Variants in XKR9 observed in about 807,000 individuals in gnomAD.
XKR9 encodes XK related 9.
In XKR9, 32 loss-of-function variants were observed where a neutral mutation model predicts 32.0. The ratio of observed to expected loss-of-function variants is 1.00; its 90% CI spans 0.76 to 1.34. The LOEUF is 1.34. XKR9 is among the 40% of genes most tolerant of loss of function. XKR9 has a pLI of 0.00. For missense variants in XKR9, 546 were observed against 429.7 expected, an observed-to-expected ratio of 1.27 and a Z score of -2.39; for synonymous variants, 168 against 143.4, an observed-to-expected ratio of 1.17 and a Z score of -1.22.
chr8:70,729,866 C>A (rs1402650772), intron 4 of XKR9, among the ~76,000 whole-genome samples: 1 of 152,038 alleles, frequency 6.6e-6, no homozygotes, highest in Non-Finnish European at 1.5e-5. Context: ...GATTTTTATA[C>A]CAGATAAGCC....
chr8:70,822,355 T>C, the XKR9 span, among the ~76,000 whole-genome samples: 2 of 152,084 alleles, frequency 1.3e-5, no homozygotes, highest in South Asian at 2.1e-4. Context: ...ATAATTGTCA[T>C]GGAAGAAGAC....
chr8:70,734,287 C>G lies in XKR9; in HGVS notation c.985C>G (p.Leu329Val), dbSNP rs761827600. ...TATCAGTATAACTATAGTTCTTACT[C>G]TTCTTCTTGGAATTCTTTTTCTTAT... Reference protein sequence around the residue: ...IPISITIVLTLLLGILFLIVY... With the variant: ...IPISITIVLTVLLGILFLIVY... The change falls in exon 5 of 5, where the codon CTT becomes GTT. Residue 329 changes from leucine (L) to valine (V), a missense_variant. By Grantham distance (32) the Leu-to-Val change is conservative (BLOSUM62 1). Coordinates refer to ENST00000408926, the MANE Select transcript of XKR9 (RefSeq NM_001011720.2). The G allele has an allele frequency of 1.7e-5, 27 of 1,612,570 alleles. No homozygotes were observed. The South Asian group carries it at 2.1e-4, about 12-fold the overall frequency.
rs149183287 is a variant in XKR9 at position 70,756,403 on chromosome 8, A to G, written n.353-32936A>G. On this transcript the variant is annotated intron_variant and non_coding_transcript_variant, in intron 2 of 3. Coordinates refer to the XKR9 transcript ENST00000520273. ...TCAGCTTGTCACTTTCTACAGAGAA[A>G]TTAGCTAGGATTCTGATAGGGCTTG... is the stretch of plus-strand genomic sequence containing the variant. Among the ~76,000 whole-genome samples, 4 of 152,330 alleles carry G rather than the reference A, an allele frequency of 2.6e-5. No individual in the cohort carries two copies. The East Asian group carries it at 7.7e-4, about 29-fold the overall frequency.
chr8:70,943,014 T>C, the XKR9 span, among the ~76,000 whole-genome samples: 3 of 152,170 alleles, frequency 2.0e-5, no homozygotes, highest in Non-Finnish European at 4.4e-5. Context: ...ATAGAGCATA[T>C]GGGAATTTGT....
intron 2 of XKR9, among the ~76,000 whole-genome samples, chr8:70,774,550 T>A (rs1807494486): frequency 6.6e-6 from 1 of 152,188 alleles, no homozygotes; most frequent in South Asian, 2.1e-4. Context: ...AACATTTAGA[T>A]CTATAGGCCA....
chr8:71,052,883 G>A, the XKR9 span, among the ~76,000 whole-genome samples: 1 of 152,198 alleles, frequency 6.6e-6, no homozygotes, highest in Non-Finnish European at 1.5e-5. Context: ...GGACTCTGGA[G>A]AGCACCTGTC....
chr8:70,832,529 G>A, the XKR9 span, among the ~76,000 whole-genome samples: 27 of 152,242 alleles, frequency 1.8e-4, no homozygotes, highest in South Asian at 5.0e-3. Context: ...GAGAGAATAA[G>A]CTGAAAAGTG....
chr8:70,837,631 A>G, the XKR9 span, among the ~76,000 whole-genome samples: 1 of 152,000 alleles, frequency 6.6e-6, no homozygotes, highest in East Asian at 1.9e-4. Flanking sequence ...GAAGAAACAA[A>G]TCTGTCAAAC....
At chr8:70,857,618 G>T in the XKR9 span, among the ~76,000 whole-genome samples, 3 of 152,266 alleles carry the variant, frequency 2.0e-5, no homozygotes, top group Middle Eastern at 6.8e-3. Context: ...TATTTCATGA[G>T]GCAAGCATCA....
At chr8:70,890,962 A>G in the XKR9 span, among the ~76,000 whole-genome samples, 2 of 151,892 alleles carry the variant, frequency 1.3e-5, no homozygotes, top group African/African-American at 2.4e-5. Flanking sequence ...TTACAGGTTT[A>G]ATCTTCTTAC....
chr8:70,876,385 T>A, the XKR9 span, among the ~76,000 whole-genome samples: 1 of 152,084 alleles, frequency 6.6e-6, no homozygotes, highest in Non-Finnish European at 1.5e-5. Flanking sequence ...CTAATTTTTG[T>A]ATTTTTAGTA....
the XKR9 span, among the ~76,000 whole-genome samples, chr8:71,040,364 T>C: frequency 6.6e-6 from 1 of 152,234 alleles, no homozygotes; most frequent in Non-Finnish European, 1.5e-5. Context: ...TTGAATCATG[T>C]AAAATTGCCG....
the XKR9 span, among the ~76,000 whole-genome samples, chr8:71,018,280 A>G: frequency 6.6e-6 from 1 of 152,324 alleles, no homozygotes; most frequent in East Asian, 1.9e-4. Flanking sequence ...AATCTTTTTA[A>G]GATTACTAAG....
the XKR9 span, among the ~76,000 whole-genome samples, chr8:70,848,010 CA>C: frequency 6.6e-6 from 1 of 151,750 alleles, no homozygotes; most frequent in African/African-American, 2.4e-5. Context: ...CAAGAACACA[CA>C]AAAAAAGAAA....
At chr8:70,921,992 G>C in the XKR9 span, among the ~76,000 whole-genome samples, 1 of 152,134 alleles carries the variant, frequency 6.6e-6, no homozygotes, top group Admixed American at 6.5e-5. Flanking sequence ...GTAATGACTG[G>C]TCTTGGGGAG....
In XKR9 at chr8:70,734,286, T is replaced by C. The variant is rs775995806; in HGVS notation, c.984T>C (p.Thr328=). The change falls in exon 5 of 5, where the codon ACT becomes ACC. Residue 328 remains threonine (T), a synonymous_variant. Transcript: ENST00000408926. ...CTATCAGTATAACTATAGTTCTTACTCTTCTTCTTGGAATTCTTTTTCTTA... is the reference window on the plus strand; with the variant it reads ...CTATCAGTATAACTATAGTTCTTACCCTTCTTCTTGGAATTCTTTTTCTTA... ...FIPISITIVL[T]LLLGILFLIV... is the part of the protein sequence containing the mutation. 1 of 1,612,806 alleles carries C rather than the reference T, an allele frequency of 6.2e-7. No homozygotes were observed. Among genetic ancestry groups the C allele is most frequent in the Non-Finnish European group, 8.5e-7 (1 of 1,179,302 alleles).
the XKR9 span, among the ~76,000 whole-genome samples, chr8:70,878,172 A>AAAGG: frequency 3.3e-5 from 5 of 151,502 alleles, no homozygotes; most frequent in Admixed American, 2.0e-4. Flanking sequence ...CTAAACATGG[A>AAAGG]AACAACCAGT....
chr8:71,050,236 G>GATATATATATAT, the XKR9 span, among the ~76,000 whole-genome samples: 101 of 123,458 alleles, frequency 8.2e-4, no homozygotes, highest in Middle Eastern at 8.0e-3. Context: ...GCCTGGCAGA[G>GATATATATATAT]ATATATATAT....
At chr8:70,980,382 C>T in the XKR9 span, among the ~76,000 whole-genome samples, 22 of 152,314 alleles carry the variant, frequency 1.4e-4, no homozygotes, top group East Asian at 9.7e-4. Context: ...TGTTCCTATT[C>T]GGACATCTTG....
Sources: gnomAD v4.1 joint callset for allele counts (sites outside exome capture counted in the v4.1 genomes callset) on GRCh38, gnomAD v4.1.1 for gene constraint, MANE v1.5 for transcripts, NCBI Gene and HGNC (gene_info 2026-07-23, HGNC 2026-07-21) for gene names.